Variants in AMBRA1 observed in about 807,000 individuals in gnomAD.
The protein encoded by AMBRA1 is activating molecule in BECN1-regulated autophagy protein 1.
In AMBRA1, 47 loss-of-function variants were observed where a neutral mutation model predicts 125.4. That is an observed-to-expected ratio of 0.37 (90% confidence interval 0.30 to 0.48). The LOEUF (loss-of-function observed/expected upper bound fraction) is 0.48. Ranked by LOEUF, AMBRA1 falls within the 20% of genes least tolerant of loss-of-function variation. The probability of loss-of-function intolerance (pLI) is 0.99; values close to 1 mark genes in which losing one functional copy is unlikely to be tolerated. For synonymous variants in AMBRA1, 626 were observed against 655.5 expected, an observed-to-expected ratio of 0.95 and a Z score of 0.69; for missense variants, 1,331 against 1,693.4, an observed-to-expected ratio of 0.79 and a Z score of 3.76.
At chr11:46,486,323 A>C (rs1259929909) in intron 11 of AMBRA1, among the ~76,000 whole-genome samples, 1 of 152,204 alleles carries the variant, frequency 6.6e-6, no homozygotes, top group Non-Finnish European at 1.5e-5. Context: ...GTTCACTTTC[A>C]TCTAAGTAAT....
At chr11:46,407,735 C>A (rs1229950397) in intron 17 of AMBRA1, among the ~76,000 whole-genome samples, 1 of 152,214 alleles carries the variant, frequency 6.6e-6, no homozygotes, top group Non-Finnish European at 1.5e-5. Context: ...CTTTGCCTGA[C>A]GTGCACCGTG....
At chr11:46,464,302 T>C (rs1332252651) in intron 11 of AMBRA1, among the ~76,000 whole-genome samples, 1 of 152,156 alleles carries the variant, frequency 6.6e-6, no homozygotes, top group Non-Finnish European at 1.5e-5. Flanking sequence ...TGGCACAAAA[T>C]ACCCACAAAT....
intron 11 of AMBRA1, among the ~76,000 whole-genome samples, chr11:46,462,501 G>A (rs1390624496): frequency 6.6e-6 from 1 of 152,080 alleles, no homozygotes; most frequent in African/African-American, 2.4e-5. Flanking sequence ...TGACTACACT[G>A]AGGTAGACTC....
intron 11 of AMBRA1, among the ~76,000 whole-genome samples, chr11:46,492,988 G>A (rs1950518316): frequency 6.6e-6 from 1 of 152,238 alleles, no homozygotes; most frequent in Admixed American, 6.5e-5. Flanking sequence ...GGTGGAGATT[G>A]CAGTGAGCCA....
chr11:46,441,696 G>C (rs1565162349), intron 12 of AMBRA1, among the ~76,000 whole-genome samples: 1 of 152,168 alleles, frequency 6.6e-6, no homozygotes, highest in Non-Finnish European at 1.5e-5. Context: ...CTCACATCTA[G>C]AGTTTTCTAT....
At position 46,433,457 on chromosome 11, in the gene AMBRA1, C is replaced by T. The variant is rs982532333; in HGVS notation, c.2976+17G>A. 1.2e-6 allele frequency: 2 copies of T among 1,612,330 alleles called. No homozygotes were observed. The highest frequency in any genetic ancestry group is 1.3e-5 in the African/African-American group (1 of 74,902). On this transcript the variant is annotated intron_variant, in intron 14 of 17. Coordinates refer to ENST00000683756, the MANE Select transcript of AMBRA1 (RefSeq NM_001387011.1). ...GGGGAGCTGCCATACAGTGAAGGCACAAGCAATGGCACTCACCCTCATGGA... is the reference window on the plus strand; with the variant it reads ...GGGGAGCTGCCATACAGTGAAGGCATAAGCAATGGCACTCACCCTCATGGA...
In AMBRA1 at chr11:46,443,549, A is replaced by G; in HGVS notation, c.2571T>C (p.Asn857=). 1 of 1,614,218 alleles carries G rather than the reference A, an allele frequency of 6.2e-7. No individual in the cohort carries two copies. The highest frequency in any genetic ancestry group is 8.5e-7 in the Non-Finnish European group (1 of 1,180,042). The change falls in exon 12 of 18, where the codon AAT becomes AAC. Residue 857 remains asparagine, a synonymous_variant. Coordinates refer to ENST00000683756, the MANE Select transcript of AMBRA1 (RefSeq NM_001387011.1). Reference sequence around the variant, plus strand: ...CCCACCACTGGAGCCGGTAGGTAGTATTGGCAATGTTACTGGCCACAGCAG... The same window carrying G: ...CCCACCACTGGAGCCGGTAGGTAGTGTTGGCAATGTTACTGGCCACAGCAG... ...GQSAVASNIA[N]TTYRLQWWDF...
intron 1 of AMBRA1, among the ~76,000 whole-genome samples, chr11:46,553,850 C>A (rs980920798): frequency 1.3e-5 from 2 of 152,154 alleles, no homozygotes; most frequent in Non-Finnish European, 1.5e-5. Context: ...TAGCCTGTAT[C>A]CTCATGATAC....
intron 1 of AMBRA1, among the ~76,000 whole-genome samples, chr11:46,566,951 G>C (rs1482145161): frequency 6.6e-6 from 1 of 152,194 alleles, no homozygotes; most frequent in Admixed American, 6.5e-5. Context: ...AGGAGGCGGA[G>C]GGTGCAGTGA....
intron 16 of AMBRA1, among the ~76,000 whole-genome samples, chr11:46,408,926 A>G (rs920781495): frequency 1.1e-4 from 16 of 152,258 alleles, no homozygotes; most frequent in African/African-American, 1.4e-4. Context: ...AAGGCCACAG[A>G]AACATCCAAT....
chr11:46,460,558 C>T (rs1008889164), intron 11 of AMBRA1, among the ~76,000 whole-genome samples: 5 of 152,096 alleles, frequency 3.3e-5, no homozygotes, highest in East Asian at 1.9e-4. Flanking sequence ...CTCCTGACCT[C>T]GTGATCCGCC....
intron 14 of AMBRA1, among the ~76,000 whole-genome samples, chr11:46,424,573 G>A (rs1019002195): frequency 1.3e-5 from 2 of 152,224 alleles, no homozygotes; most frequent in Non-Finnish European, 2.9e-5. Context: ...CTCGCTGGGC[G>A]TGATGGCTCC....
At chr11:46,470,530 A>G (rs1565192478) in intron 11 of AMBRA1, among the ~76,000 whole-genome samples, 2 of 145,028 alleles carry the variant, frequency 1.4e-5, no homozygotes, top group Non-Finnish European at 3.0e-5. Flanking sequence ...CAGAGCTTGC[A>G]GTGAGCCGAG....
intron 7 of AMBRA1, among the ~76,000 whole-genome samples, chr11:46,531,449 C>T (rs2135130342): frequency 6.6e-6 from 1 of 152,266 alleles, no homozygotes; most frequent in Middle Eastern, 3.4e-3. Context: ...GTGGCTCACG[C>T]CTGTAATCCC....
chr11:46,425,903 T>C (rs1947107674), intron 14 of AMBRA1, among the ~76,000 whole-genome samples: 1 of 151,716 alleles, frequency 6.6e-6, no homozygotes, highest in Admixed American at 6.6e-5. Flanking sequence ...TCCCAGCACT[T>C]TGGGAGGCTG....
At chr11:46,460,241 T>C (rs1480895973) in intron 11 of AMBRA1, among the ~76,000 whole-genome samples, 1 of 152,064 alleles carries the variant, frequency 6.6e-6, no homozygotes, top group Non-Finnish European at 1.5e-5. Context: ...AATCAAACTA[T>C]ATCAACATGG....
intron 7 of AMBRA1, among the ~76,000 whole-genome samples, chr11:46,527,466 T>C (rs1466830259): frequency 2.7e-5 from 2 of 74,986 alleles, no homozygotes; most frequent in African/African-American, 5.9e-5. Context: ...GGTGACAAAG[T>C]GAGACTGTCT....
chr11:46,463,905 C>CT (rs1184295364), intron 11 of AMBRA1, among the ~76,000 whole-genome samples: 2 of 152,232 alleles, frequency 1.3e-5, no homozygotes, highest in African/African-American at 2.4e-5. Context: ...AGGCCTTCTC[C>CT]TTTGTTAGCC....
At chr11:46,460,453 C>G (rs1949050638) in intron 11 of AMBRA1, among the ~76,000 whole-genome samples, 1 of 151,988 alleles carries the variant, frequency 6.6e-6, no homozygotes. Flanking sequence ...TCCCAAGTAG[C>G]TGGGACTACA....
Sources: gnomAD v4.1 joint callset for allele counts (sites outside exome capture counted in the v4.1 genomes callset) on GRCh38, gnomAD v4.1.1 for gene constraint, MANE v1.5 for transcripts, NCBI Gene and HGNC (gene_info 2026-07-23, HGNC 2026-07-21) for gene names.